TREML2: variants seen among roughly 807,000 people sequenced by gnomAD.
TREML2 encodes trem-like transcript 2 protein.
TREML2 carries 24 observed loss-of-function variants against 25.9 expected under a neutral mutation model. The observed-to-expected ratio is 0.93, with a 90% confidence interval of 0.67 to 1.30. TREML2 has a LOEUF of 1.30. Ranked by LOEUF, TREML2 falls within the 50% of genes most tolerant of loss-of-function variation. The pLI is 0.00. For missense variants in TREML2, 359 were observed against 395.6 expected (o/e 0.91, Z 0.78); for synonymous variants, 139 against 155.2 (o/e 0.90, Z 0.77).
chr6:41,197,028 TG>T (rs755197116), intron 2 of TREML2, among the ~76,000 whole-genome samples: 12 of 152,238 alleles, frequency 7.9e-5, no homozygotes, highest in Admixed American at 3.3e-4. Flanking sequence ...GGATCATCCA[TG>T]ATTCCTCCTT....
In TREML2 at chr6:41,198,479, A is replaced by G; in HGVS notation, c.56-50T>C. The G allele has an allele frequency of 2.0e-6, 3 of 1,532,394 alleles. No individual in the cohort carries two copies. In the South Asian group the frequency reaches 3.7e-5, roughly 19 times the overall value. The allele number at this position is 1,532,394 out of a possible 1,614,324, so 94.9% of individuals were successfully genotyped here. ...AAGGTCTGGCAAGAGGAGAGGAAGAAGACATCATGAAAGTTGAAGATCATG... is the reference window on the plus strand; with the variant it reads ...AAGGTCTGGCAAGAGGAGAGGAAGAGGACATCATGAAAGTTGAAGATCATG... On this transcript the variant is annotated intron_variant, in intron 1 of 4. Coordinates refer to ENST00000483722, the MANE Select transcript of TREML2 (RefSeq NM_024807.4).
At chr6:41,195,558 A>C (rs1244196238) in intron 2 of TREML2, among the ~76,000 whole-genome samples, 1 of 152,222 alleles carries the variant, frequency 6.6e-6, no homozygotes. Flanking sequence ...CCAAATTGTC[A>C]TCATGGAAGG....
At chr6:41,199,642 C>T (rs1370778456) in intron 1 of TREML2, among the ~76,000 whole-genome samples, 4 of 152,092 alleles carry the variant, frequency 2.6e-5, no homozygotes, top group African/African-American at 7.2e-5. Context: ...CCTTGGGCTC[C>T]CTCCACCCCT....
intron 1 of TREML2, among the ~76,000 whole-genome samples, chr6:41,198,974 T>A (rs1766227629): frequency 6.6e-6 from 1 of 152,236 alleles, no homozygotes. Context: ...ACTATTCTCC[T>A]GCCTCAGCCT....
At chr6:41,193,127 C>T (rs1766097645) in intron 3 of TREML2, among the ~76,000 whole-genome samples, 1 of 152,196 alleles carries the variant, frequency 6.6e-6, no homozygotes, top group South Asian at 2.1e-4. Context: ...TACCTCTCCT[C>T]CATTATGCCC....
At chr6:41,193,558 C>T (rs182647043) in intron 3 of TREML2, among the ~76,000 whole-genome samples, 1 of 152,138 alleles carries the variant, frequency 6.6e-6, no homozygotes, top group East Asian at 1.9e-4. Context: ...TATTAGAGGC[C>T]TTCCCTGCCC....
Position 41,195,742 on chromosome 6 carries a change from G to GAGT in TREML2, c.377-912_377-910dup, listed in dbSNP as rs1211295534. Reference sequence around the variant, plus strand: ...GAATTCACACATCAGTGCCTTGGGAGAGTATATGGACACTCAGAGAGGATC... The same window carrying GAGT: ...GAATTCACACATCAGTGCCTTGGGAGAGTAGTATATGGACACTCAGAGAGGATC... On this transcript the variant is annotated intron_variant, in intron 2 of 4. Coordinates refer to ENST00000483722, the MANE Select transcript of TREML2 (RefSeq NM_024807.4). Among the ~76,000 whole-genome samples, 3 of 152,236 alleles carry GAGT rather than the reference G, an allele frequency of 2.0e-5. No homozygotes were observed. In the East Asian group the frequency reaches 5.8e-4, roughly 29 times the overall value.
At chr6:41,197,079 C>T (rs1766180701) in intron 2 of TREML2, among the ~76,000 whole-genome samples, 2 of 152,230 alleles carry the variant, frequency 1.3e-5, no homozygotes, top group African/African-American at 4.8e-5. Flanking sequence ...GTCCTACCTT[C>T]AAAACATATG....
Position 41,198,220 on chromosome 6 carries a change from T to G in TREML2, c.265A>C (p.Asn89His). Residue 89 changes from asparagine to histidine, a missense_variant, in exon 2 of 5, where the codon AAC becomes CAC. Physicochemically the swap from Asn to His is moderately conservative, Grantham distance 68. Transcript: ENST00000483722. Reference protein sequence around the residue: ...LQDDAQAKVVNITMVALKLQD... With the variant: ...LQDDAQAKVVHITMVALKLQD... ...AGCTTGAGGGCCACCATGGTGATGTTGACCACCTTGGCCTGGGCATCGTCC... is the reference window on the plus strand; with the variant it reads ...AGCTTGAGGGCCACCATGGTGATGTGGACCACCTTGGCCTGGGCATCGTCC... The G allele has an allele frequency of 1.2e-6, 2 of 1,614,252 alleles. No individual in the cohort carries two copies. The highest frequency in any genetic ancestry group is 1.7e-6 in the Non-Finnish European group (2 of 1,180,048).
intron 3 of TREML2, among the ~76,000 whole-genome samples, chr6:41,193,837 C>T (rs1203078344): frequency 7.6e-6 from 1 of 131,436 alleles, no homozygotes; most frequent in Admixed American, 7.7e-5. Context: ...TCTCTGCAGC[C>T]CCCCTCTCCC....
intron 1 of TREML2, 111 bp downstream of exon 1, chr6:41,200,843 C>G: frequency 3.0e-6 from 3 of 1,010,854 alleles, no homozygotes; most frequent in Non-Finnish European, 4.1e-6. Context: ...CTTCCCCAAC[C>G]CACAAAACAC....
At chr6:41,198,894 G>A (rs147559735) in intron 1 of TREML2, among the ~76,000 whole-genome samples, 4,433 of 152,206 alleles carry the variant, frequency 0.029, 97 homozygotes, top group South Asian at 0.085. Flanking sequence ...ACGGAGTCTC[G>A]CTCTGTTGCC....
At chr6:41,200,426 G>T (rs541306285) in intron 1 of TREML2, among the ~76,000 whole-genome samples, 634 of 152,296 alleles carry the variant, frequency 4.2e-3, no homozygotes, top group African/African-American at 0.014. Context: ...ACAGGAAGTG[G>T]TAACTTGGTT....
Position 41,192,083 on chromosome 6 carries a change from G to A in TREML2, c.*344C>T, listed in dbSNP as rs190411950. 12 of 285,026 alleles carry A rather than the reference G, an allele frequency of 4.2e-5. No homozygotes were observed. In the Admixed American group the frequency reaches 5.2e-4, roughly 12 times the overall value. 17.7% of individuals were successfully genotyped at this position (285,026 alleles called of 1,614,324 possible). A position where few individuals can be genotyped will look rare whatever the true frequency, so the allele number is the denominator to read the frequency against. ...GCCCAATAGGGTTTCTGAGGCAGAC[G>A]GGAGCTGAGGTTCTCTGTAAACAGC... On this transcript the variant is annotated 3_prime_UTR_variant, in exon 5 of 5. Coordinates refer to ENST00000483722, the MANE Select transcript of TREML2 (RefSeq NM_024807.4).
intron 4 of TREML2, 58 bp downstream of exon 4, chr6:41,192,743 C>T: frequency 2.0e-6 from 3 of 1,498,746 alleles, no homozygotes; most frequent in East Asian, 2.3e-5. Flanking sequence ...GGTCATAACC[C>T]TTAGTGCAGT....
Position 41,190,268 on chromosome 6 carries a change from A to T in TREML2, c.*2159T>A, listed in dbSNP as rs1264409931. 2.0e-5 allele frequency: 3 copies of T among 152,112 alleles called. No homozygotes were observed. Among genetic ancestry groups the T allele is most frequent in the African/African-American group, 7.2e-5 (3 of 41,386 alleles). The allele number at this position is 152,112 out of a possible 1,614,324, so 9.4% of individuals were successfully genotyped here. Reference sequence around the variant, plus strand: ...ATCAGAGAGGGACAGTGACTTGCCAAGTTCACACTGAGATGAGTCCACCCT... The same window carrying T: ...ATCAGAGAGGGACAGTGACTTGCCATGTTCACACTGAGATGAGTCCACCCT... On this transcript the variant is annotated 3_prime_UTR_variant, in exon 5 of 5. Transcript: ENST00000483722.
rs1766039381 is a variant in TREML2, at chr6:41,190,739, C to G, written c.*1688G>C. On this transcript the variant is annotated 3_prime_UTR_variant, in exon 5 of 5. Coordinates refer to ENST00000483722, the MANE Select transcript of TREML2 (RefSeq NM_024807.4). The stretch of plus-strand genomic sequence containing the variant: ...CAGCTCTTGGGGAGCTATTTTCCCC[C>G]AGGTGGGTTAAGTTCTCTCCTAGTA... 6.6e-6 allele frequency: 1 copy of G among 152,206 alleles called. No homozygotes were observed. The highest frequency in any genetic ancestry group is 1.5e-5 in the Non-Finnish European group (1 of 68,058). The allele number at this position is 152,206 out of a possible 1,614,324, so 9.4% of individuals were successfully genotyped here. A position where few individuals can be genotyped will look rare whatever the true frequency, so the allele number is the denominator to read the frequency against.
intron 1 of TREML2, among the ~76,000 whole-genome samples, chr6:41,199,423 C>G (rs1332211656): frequency 3.3e-5 from 5 of 152,182 alleles, no homozygotes; most frequent in African/African-American, 9.7e-5. Context: ...ACCCATAGAT[C>G]AAGCCTGTCT....
rs1268750401 is a variant in TREML2, at chr6:41,194,667, G to A, written c.543C>T (p.Ser181=). The A allele has an allele frequency of 6.2e-7, 1 of 1,614,050 alleles. No individual in the cohort carries two copies. The highest frequency in any genetic ancestry group is 2.2e-5 in the East Asian group (1 of 44,862). ...AGCCTGTCTTGGAGGCAGGTCTGGT[G>A]GAGGCTAAGAGCCTAGGCAAGGTGA... is the stretch of plus-strand genomic sequence containing the variant. ...GLITLPRLLA[S]TRPASKTGYS... The change falls in exon 3 of 5, where the codon TCC becomes TCT. Residue 181 remains serine (S), a synonymous_variant. Coordinates refer to ENST00000483722, the MANE Select transcript of TREML2 (RefSeq NM_024807.4).
Sources: gnomAD v4.1 joint callset for allele counts (sites outside exome capture counted in the v4.1 genomes callset) on GRCh38, gnomAD v4.1.1 for gene constraint, MANE v1.5 for transcripts, NCBI Gene and HGNC (gene_info 2026-07-23, HGNC 2026-07-21) for gene names.